The following IGF1R variants were observed in gnomAD, a reference collection of about 807,000 sequenced individuals.
IGF1R encodes the protein insulin like growth factor 1 receptor.
A neutral mutation model predicts 144.6 loss-of-function variants in IGF1R; 44 were observed. The ratio of observed to expected loss-of-function variants is 0.30; its 90% CI spans 0.24 to 0.39. IGF1R has a LOEUF of 0.39. IGF1R is among the 10% of genes least tolerant of loss of function. The pLI, the probability that IGF1R is intolerant of heterozygous loss-of-function variation, is 1.00. For missense variants in IGF1R, 1,355 were observed against 1,833.7 expected, an observed-to-expected ratio of 0.74 and a Z score of 4.77; for synonymous variants, 795 against 722.8, an observed-to-expected ratio of 1.10 and a Z score of -1.60.
intron 2 of IGF1R, among the ~76,000 whole-genome samples, chr15:98,882,700 A>C (rs760112267): frequency 6.6e-6 from 1 of 151,778 alleles, no homozygotes; most frequent in Non-Finnish European, 1.5e-5. Context: ...AAAATATGTA[A>C]CTCCTTGCCC....
chr15:98,862,941 A>T (rs1349889001), intron 2 of IGF1R, among the ~76,000 whole-genome samples: 1 of 152,134 alleles, frequency 6.6e-6, no homozygotes, highest in Non-Finnish European at 1.5e-5. Flanking sequence ...AACAGTGTTC[A>T]CTCCATACTC....
Position 98,778,737 on chromosome 15 carries a change from G to T in IGF1R, c.640+70630G>T, listed in dbSNP as rs567771109. On this transcript the variant is annotated intron_variant, in intron 2 of 20. Coordinates refer to ENST00000650285, the MANE Select transcript of IGF1R (RefSeq NM_000875.5). ...TCCTGCACTGGGCCACCTTCCCAGGGGCCTTGTGTCAGCCTGGTAGTGGTG... is the reference window on the plus strand; with the variant it reads ...TCCTGCACTGGGCCACCTTCCCAGGTGCCTTGTGTCAGCCTGGTAGTGGTG... Among the ~76,000 whole-genome samples, 10 of 152,314 alleles carry T rather than the reference G, an allele frequency of 6.6e-5. No individual in the cohort carries two copies. In the East Asian group the frequency reaches 1.9e-3, roughly 29 times the overall value.
chr15:98,740,610 G>A (rs1057337678), intron 2 of IGF1R, among the ~76,000 whole-genome samples: 1 of 152,222 alleles, frequency 6.6e-6, no homozygotes, highest in Non-Finnish European at 1.5e-5. Context: ...GAAAAATACA[G>A]CAAGGGGAAA....
At chr15:98,826,283 A>G (rs1487519771) in intron 2 of IGF1R, among the ~76,000 whole-genome samples, 1 of 152,212 alleles carries the variant, frequency 6.6e-6, no homozygotes, top group Non-Finnish European at 1.5e-5. Context: ...TTCCTCAGGG[A>G]TTTAACGTTT....
intron 2 of IGF1R, among the ~76,000 whole-genome samples, chr15:98,714,972 G>T (rs1220115293): frequency 6.6e-6 from 1 of 152,178 alleles, no homozygotes. Flanking sequence ...GGAGGGGCTT[G>T]TGGACCCTGG....
At chr15:98,937,528 C>A (rs1288917341) in intron 17 of IGF1R, among the ~76,000 whole-genome samples, 1 of 152,186 alleles carries the variant, frequency 6.6e-6, no homozygotes, top group African/African-American at 2.4e-5. Flanking sequence ...CTTTTTCTTT[C>A]TAGCTCATGT....
intron 1 of IGF1R, among the ~76,000 whole-genome samples, chr15:98,678,902 G>C (rs1181033169): frequency 6.8e-6 from 1 of 147,020 alleles, no homozygotes; most frequent in East Asian, 2.1e-4. Context: ...CCAGGGTTCT[G>C]GTTCTTTCCT....
chr15:98,726,246 A>G (rs930630421), intron 2 of IGF1R, among the ~76,000 whole-genome samples: 3 of 152,200 alleles, frequency 2.0e-5, no homozygotes, highest in African/African-American at 7.2e-5. Flanking sequence ...CAGCCAGCCC[A>G]AATCCAGACC....
chr15:98,878,675 A>AC (rs1487771157), intron 2 of IGF1R, among the ~76,000 whole-genome samples: 10 of 89,496 alleles, frequency 1.1e-4, no homozygotes, highest in African/African-American at 2.8e-4. Context: ...AAAAAAAAAA[A>AC]AAAAAAAAAA....
intron 1 of IGF1R, among the ~76,000 whole-genome samples, chr15:98,654,490 A>C (rs1166756085): frequency 6.6e-6 from 1 of 152,212 alleles, no homozygotes; most frequent in Non-Finnish European, 1.5e-5. Context: ...GGCATTTTAT[A>C]ATTTGTAAAT....
chr15:98,681,278 GT>G (rs1311064978), intron 1 of IGF1R, among the ~76,000 whole-genome samples: 4 of 152,144 alleles, frequency 2.6e-5, no homozygotes, highest in African/African-American at 9.7e-5. Flanking sequence ...CCTGCACCTT[GT>G]TTCGCATGTC....
intron 1 of IGF1R, among the ~76,000 whole-genome samples, chr15:98,666,716 T>G (rs1359437526): frequency 1.3e-5 from 2 of 151,670 alleles, no homozygotes; most frequent in Non-Finnish European, 2.9e-5. Flanking sequence ...AGTAGAATGG[T>G]GAGGGGCGGT....
rs571405895 is a variant in IGF1R at position 98,957,716 on chromosome 15, A to C, written c.*274A>C. 19 of 535,960 alleles carry C rather than the reference A, an allele frequency of 3.5e-5. No homozygotes were observed. The highest frequency in any genetic ancestry group is 2.8e-4 in the African/African-American group (15 of 52,904). The allele number at this position is 535,960 out of a possible 1,614,324, so 33.2% of individuals were successfully genotyped here. ...TAATGACAACACTTAATAGCAACAG[A>C]GCACTTGAGAACCAGTCTCCTCACT... On this transcript the variant is annotated 3_prime_UTR_variant, in exon 21 of 21. Coordinates refer to ENST00000650285, the MANE Select transcript of IGF1R (RefSeq NM_000875.5).
chr15:98,928,206 G>C (rs1444302241), intron 13 of IGF1R, among the ~76,000 whole-genome samples: 1 of 152,136 alleles, frequency 6.6e-6, no homozygotes, highest in Admixed American at 6.5e-5. Context: ...GGTATGAGCT[G>C]TCATACTGTA....
At chr15:98,840,076 A>G (rs1421829055) in intron 2 of IGF1R, among the ~76,000 whole-genome samples, 2 of 152,142 alleles carry the variant, frequency 1.3e-5, no homozygotes, top group African/African-American at 4.8e-5. Context: ...TTTTGCCTAC[A>G]TTAATCACTC....
intron 2 of IGF1R, among the ~76,000 whole-genome samples, chr15:98,817,177 T>G (rs1475847513): frequency 6.6e-6 from 1 of 151,860 alleles, no homozygotes; most frequent in African/African-American, 2.4e-5. Flanking sequence ...TGGCCCATGC[T>G]TGTAATCCCA....
chr15:98,929,158 A>G (rs1228987655), intron 13 of IGF1R, among the ~76,000 whole-genome samples: 2 of 152,112 alleles, frequency 1.3e-5, no homozygotes, highest in South Asian at 2.1e-4. Flanking sequence ...CTTGTATGGC[A>G]GATGCTAGGC....
intron 2 of IGF1R, among the ~76,000 whole-genome samples, chr15:98,769,625 A>G (rs2175795): frequency 0.6 from 91,514 of 152,078 alleles, 29,278 homozygotes; most frequent in Non-Finnish European, 0.71. Flanking sequence ...TGAAGTCCAC[A>G]TTGAATAAGA....
intron 1 of IGF1R, among the ~76,000 whole-genome samples, chr15:98,662,061 C>T (rs2052614383): frequency 6.7e-6 from 1 of 148,326 alleles, no homozygotes; most frequent in African/African-American, 2.5e-5. Flanking sequence ...CTTACTGCAA[C>T]CTCTTCCTCC....
Sources: allele counts gnomAD v4.1 joint callset (sites outside exome capture counted in the v4.1 genomes callset), GRCh38; gene constraint gnomAD v4.1.1; transcripts MANE v1.5; gene names NCBI Gene and HGNC (gene_info 2026-07-23, HGNC 2026-07-21).